FAM219A: variants seen among roughly 807,000 people sequenced by gnomAD.
FAM219A encodes the protein family with sequence similarity 219 member A, also known as protein FAM219A.
A neutral mutation model predicts 23.4 loss-of-function variants in FAM219A; 7 were observed. The ratio of observed to expected loss-of-function variants is 0.30; its 90% CI spans 0.17 to 0.56. The LOEUF (loss-of-function observed/expected upper bound fraction) is 0.56, where lower values mean the gene tolerates loss of function less well. Ranked by LOEUF, FAM219A falls within the 20% of genes least tolerant of loss-of-function variation. The probability of loss-of-function intolerance (pLI) is 0.92; values close to 1 mark genes in which losing one functional copy is unlikely to be tolerated. For synonymous variants in FAM219A, 93 were observed against 99.0 expected, an observed-to-expected ratio of 0.94 and a Z score of 0.36; for missense variants, 166 against 246.9, an observed-to-expected ratio of 0.67 and a Z score of 2.20.
Position 34,405,106 on chromosome 9 carries a change from C to T in FAM219A, c.160+759G>A, listed in dbSNP as rs115262204. On this transcript the variant is annotated intron_variant, in intron 2 of 5. Transcript: ENST00000651358. ...AATTGTAAATTCTTTCCTGTATGTC[C>T]TGTTTTGTAATTTCTCTTCAAGAAA... 2.5e-3 allele frequency among the ~76,000 whole-genome samples: 381 copies of T among 152,196 alleles called. 1 individual carries two copies. The highest frequency in any genetic ancestry group is 8.6e-3 in the African/African-American group (359 of 41,508).
chr9:34,402,967 A>G (rs546611356), intron 2 of FAM219A, among the ~76,000 whole-genome samples, 160 bp from the exon 3 acceptor site: 1 of 152,294 alleles, frequency 6.6e-6, no homozygotes, highest in African/African-American at 2.4e-5. Flanking sequence ...TGGTGGAGAT[A>G]GTACCTGGCC....
At chr9:34,423,634 A>G (rs1822357851) in intron 1 of FAM219A, among the ~76,000 whole-genome samples, 1 of 152,228 alleles carries the variant, frequency 6.6e-6, no homozygotes, top group Non-Finnish European at 1.5e-5. Context: ...CCATTGTCAG[A>G]TTTAGATAGA....
intron 1 of FAM219A, among the ~76,000 whole-genome samples, chr9:34,453,232 G>A (rs1823617841): frequency 6.6e-6 from 1 of 152,120 alleles, no homozygotes; most frequent in Non-Finnish European, 1.5e-5. Context: ...ATATATATAG[G>A]TCAGTTTTCC....
chr9:34,429,394 C>G lies in FAM219A; in HGVS notation c.61-23430G>C, dbSNP rs149869005. 4.2e-3 allele frequency among the ~76,000 whole-genome samples: 635 copies of G among 152,270 alleles called. 3 individuals are homozygous for G. Among genetic ancestry groups the G allele is most frequent in the Non-Finnish European group, 6.9e-3 (470 of 68,016 alleles). On this transcript the variant is annotated intron_variant, in intron 1 of 5. Coordinates refer to ENST00000651358, the MANE Select transcript of FAM219A (RefSeq NM_001184940.2). ...CTGAGTGTTTTCATTGAGCCTCAAT[C>G]CAGGCAGACTTACCCTCCTCACTCA...
chr9:34,420,781 A>T (rs1822239522), intron 1 of FAM219A, among the ~76,000 whole-genome samples: 1 of 151,902 alleles, frequency 6.6e-6, no homozygotes, highest in African/African-American at 2.4e-5. Flanking sequence ...GTTCAAGACG[A>T]GTCTGGGCAA....
chr9:34,420,017 A>G (rs1234234758), intron 1 of FAM219A, among the ~76,000 whole-genome samples: 1 of 152,188 alleles, frequency 6.6e-6, no homozygotes, highest in Non-Finnish European at 1.5e-5. Context: ...GATAATTTGC[A>G]GCTCTAAAGC....
At chr9:34,416,131 G>A (rs1821991728) in intron 1 of FAM219A, among the ~76,000 whole-genome samples, 1 of 151,114 alleles carries the variant, frequency 6.6e-6, no homozygotes, top group Non-Finnish European at 1.5e-5. Context: ...AGCTATGATT[G>A]TGCCACTGCA....
Position 34,450,707 on chromosome 9 carries a change from C to T in FAM219A, c.60+7497G>A, listed in dbSNP as rs183260457. Among the ~76,000 whole-genome samples, 37 of 152,310 alleles carry T rather than the reference C, an allele frequency of 2.4e-4. 1 individual carries two copies. In the East Asian group the frequency reaches 6.8e-3, roughly 28 times the overall value. On this transcript the variant is annotated intron_variant, in intron 1 of 5. Transcript: ENST00000651358. The stretch of plus-strand genomic sequence containing the variant: ...CTGGGATTGCAGGCGTGAGCCACTG[C>T]GCCCGGCCAATTCAATAAACCTTAA...
In FAM219A at chr9:34,451,573, G is replaced by A. The variant is rs576589320; in HGVS notation, c.60+6631C>T. Among the ~76,000 whole-genome samples the A allele has an allele frequency of 5.9e-5, 9 of 152,302 alleles. No individual in the cohort carries two copies. In the South Asian group the frequency reaches 1.9e-3, roughly 32 times the overall value. ...GAGGCTCCACCTGCCTTTTTAAGGA[G>A]GTGAGAGGGTCCCTGAGACTAATCA... On this transcript the variant is annotated intron_variant, in intron 1 of 5. Coordinates refer to ENST00000651358, the MANE Select transcript of FAM219A (RefSeq NM_001184940.2).
At chr9:34,442,461 G>T (rs1823212760) in intron 1 of FAM219A, among the ~76,000 whole-genome samples, 1 of 152,166 alleles carries the variant, frequency 6.6e-6, no homozygotes, top group Non-Finnish European at 1.5e-5. Context: ...GCGGCAGGTG[G>T]ATCACCTGAG....
chr9:34,427,009 T>C (rs1356189573), intron 1 of FAM219A, among the ~76,000 whole-genome samples: 2 of 152,074 alleles, frequency 1.3e-5, no homozygotes, highest in Non-Finnish European at 2.9e-5. Context: ...GTCACTTGCC[T>C]TTACTTCTAT....
chr9:34,449,957 C>T (rs1194895524), intron 1 of FAM219A, among the ~76,000 whole-genome samples: 2 of 152,080 alleles, frequency 1.3e-5, no homozygotes, highest in South Asian at 2.1e-4. Flanking sequence ...TGGTCTAAAC[C>T]GTGCATGGTG....
chr9:34,421,750 C>T (rs1822293559), intron 1 of FAM219A, among the ~76,000 whole-genome samples: 1 of 151,852 alleles, frequency 6.6e-6, no homozygotes, highest in East Asian at 1.9e-4. Context: ...GACACACCTG[C>T]ACTGTCTCAA....
intron 1 of FAM219A, among the ~76,000 whole-genome samples, chr9:34,410,166 C>A (rs1821772921): frequency 6.6e-6 from 1 of 152,180 alleles, no homozygotes; most frequent in East Asian, 1.9e-4. Context: ...CTGCTCCATT[C>A]CTGCAGGCCC....
chr9:34,421,205 G>A (rs62559877), intron 1 of FAM219A, among the ~76,000 whole-genome samples: 16,522 of 151,800 alleles, frequency 0.11, 982 homozygotes, highest in Non-Finnish European at 0.13. Flanking sequence ...GGGAAGGGGA[G>A]GGTTAACCCT....
At chr9:34,419,213 T>C (rs1287001382) in intron 1 of FAM219A, among the ~76,000 whole-genome samples, 2 of 152,008 alleles carry the variant, frequency 1.3e-5, no homozygotes, top group Admixed American at 1.3e-4. Flanking sequence ...AGAAGGTGTG[T>C]GGTGGGCAGT....
At chr9:34,442,697 CA>C (rs1339306344) in intron 1 of FAM219A, among the ~76,000 whole-genome samples, 51 of 140,564 alleles carry the variant, frequency 3.6e-4, no homozygotes, top group Non-Finnish European at 1.2e-4. Context: ...AAAAAAAAAA[CA>C]AAAAAAAAGA....
intron 4 of FAM219A, 22 bp downstream of exon 4, chr9:34,402,365 A>G: frequency 6.2e-7 from 1 of 1,613,872 alleles, no homozygotes; most frequent in South Asian, 1.1e-5. Flanking sequence ...CTGCCCAGCT[A>G]CCCCCAAGCC....
chr9:34,452,852 T>C (rs1823604149), intron 1 of FAM219A, among the ~76,000 whole-genome samples: 1 of 152,170 alleles, frequency 6.6e-6, no homozygotes, highest in Admixed American at 6.5e-5. Flanking sequence ...CCTTCCTGCT[T>C]TCATTTGGTG....
Sources: allele counts gnomAD v4.1 joint callset (sites outside exome capture counted in the v4.1 genomes callset), GRCh38; gene constraint gnomAD v4.1.1; transcripts MANE v1.5; gene names NCBI Gene and HGNC (gene_info 2026-07-23, HGNC 2026-07-21).